SEMA3E: variants seen among roughly 807,000 people sequenced by gnomAD.
SEMA3E encodes the protein semaphorin 3E, also known as semaphorin-3E.
Under a neutral mutation model 93.6 loss-of-function variants are expected in SEMA3E, and 49 were observed. The observed-to-expected ratio is 0.52, with a 90% CI of 0.42 to 0.66. The LOEUF (loss-of-function observed/expected upper bound fraction) is 0.66. SEMA3E is among the 30% of genes least tolerant of loss of function. SEMA3E has a pLI of 0.00. For missense variants in SEMA3E, 906 were observed against 964.8 expected (o/e 0.94, Z 0.81); for synonymous variants, 363 against 330.7 (o/e 1.10, Z -1.06).
At chr7:83,464,661 T>C (rs1296877022) in intron 4 of SEMA3E, among the ~76,000 whole-genome samples, 1 of 141,044 alleles carries the variant, frequency 7.1e-6, no homozygotes, top group African/African-American at 2.5e-5. Flanking sequence ...TTATTCCATT[T>C]AGTTTTTCAA....
chr7:83,533,514 G>A (rs917291227), intron 1 of SEMA3E, among the ~76,000 whole-genome samples: 13 of 151,862 alleles, frequency 8.6e-5, no homozygotes, highest in Non-Finnish European at 1.8e-4. Context: ...ATTGCACTAC[G>A]GCCTGGGCGA....
chr7:83,534,917 T>C (rs1178855254), intron 1 of SEMA3E, among the ~76,000 whole-genome samples: 1 of 152,172 alleles, frequency 6.6e-6, no homozygotes, highest in Admixed American at 6.5e-5. Flanking sequence ...TCCAATCTAG[T>C]GATAGGATTT....
intron 16 of SEMA3E, among the ~76,000 whole-genome samples, chr7:83,375,903 T>C (rs1282162014): frequency 6.6e-6 from 1 of 152,066 alleles, no homozygotes; most frequent in African/African-American, 2.4e-5. Flanking sequence ...GTCTCCGCCA[T>C]TGTAAAAGCA....
intron 4 of SEMA3E, among the ~76,000 whole-genome samples, chr7:83,426,425 A>AT (rs2115726306): frequency 6.6e-6 from 1 of 152,334 alleles, no homozygotes; most frequent in Admixed American, 6.5e-5. Flanking sequence ...TAGCAGAAAC[A>AT]TTAATGCAGC....
intron 1 of SEMA3E, among the ~76,000 whole-genome samples, chr7:83,541,941 G>A (rs1427126789): frequency 6.6e-6 from 1 of 152,076 alleles, no homozygotes; most frequent in African/African-American, 2.4e-5. Context: ...AATAGAATCT[G>A]CAAAGAGAAG....
intron 11 of SEMA3E, among the ~76,000 whole-genome samples, chr7:83,399,152 T>C (rs1304380171): frequency 1.3e-5 from 2 of 152,128 alleles, no homozygotes; most frequent in African/African-American, 4.8e-5. Context: ...TCTCTAAAGA[T>C]CAACTACTGT....
chr7:83,487,309 G>A (rs1350160741), intron 2 of SEMA3E, among the ~76,000 whole-genome samples: 1 of 152,052 alleles, frequency 6.6e-6, no homozygotes, highest in African/African-American at 2.4e-5. Flanking sequence ...TGTTATAAAC[G>A]TGGATTCCAG....
chr7:83,381,657 G>T (rs1787781542), intron 16 of SEMA3E, among the ~76,000 whole-genome samples: 1 of 151,854 alleles, frequency 6.6e-6, no homozygotes, highest in Admixed American at 6.6e-5. Context: ...CATAGTAAGT[G>T]CTTAATAAAT....
intron 5 of SEMA3E, among the ~76,000 whole-genome samples, chr7:83,408,892 T>C (rs114194790): frequency 0.023 from 3,513 of 152,244 alleles, 132 homozygotes; most frequent in African/African-American, 0.08. Flanking sequence ...ATTATGATTG[T>C]TATTGTGATG....
chr7:83,514,050 C>T (rs1790878994), intron 1 of SEMA3E, among the ~76,000 whole-genome samples: 1 of 152,056 alleles, frequency 6.6e-6, no homozygotes, highest in Non-Finnish European at 1.5e-5. Flanking sequence ...CACCTAAATC[C>T]TACCAAAACC....
chr7:83,367,288 AAAAT>A lies in SEMA3E; in HGVS notation c.*294_*297del, dbSNP rs1794683085. 3.3e-6 allele frequency: 1 copy of A among 303,780 alleles called. No individual in the cohort carries two copies. The highest frequency in any genetic ancestry group is 2.2e-5 in the African/African-American group (1 of 45,944). 18.8% of individuals were successfully genotyped at this position (303,780 alleles called of 1,614,324 possible). The stretch of plus-strand genomic sequence containing the variant: ...TCTAATAATCTTGTCTTCCAAAAGT[AAAAT>A]AATAATTTTCACAGAAAAGCAGCCA... On this transcript the variant is annotated 3_prime_UTR_variant, in exon 17 of 17. Coordinates refer to ENST00000643230, the MANE Select transcript of SEMA3E (RefSeq NM_012431.3).
chr7:83,613,809 C>T (rs1051464014), intron 1 of SEMA3E, among the ~76,000 whole-genome samples: 30 of 152,070 alleles, frequency 2.0e-4, no homozygotes, highest in African/African-American at 4.3e-4. Context: ...CTACATATTT[C>T]GTCTTAGTTT....
At chr7:83,545,564 A>AC (rs1393600806) in intron 1 of SEMA3E, among the ~76,000 whole-genome samples, 3 of 147,790 alleles carry the variant, frequency 2.0e-5, no homozygotes, top group African/African-American at 7.6e-5. Flanking sequence ...AAAAAAAAAA[A>AC]AAAAAGAAAT....
chr7:83,455,772 G>T (rs529025497), intron 4 of SEMA3E, among the ~76,000 whole-genome samples: 2 of 152,220 alleles, frequency 1.3e-5, no homozygotes, highest in African/African-American at 2.4e-5. Flanking sequence ...TGACAGGGCC[G>T]CATGGCAAGG....
intron 1 of SEMA3E, among the ~76,000 whole-genome samples, chr7:83,596,688 C>A (rs1455994176): frequency 6.6e-6 from 1 of 152,008 alleles, no homozygotes; most frequent in Non-Finnish European, 1.5e-5. Flanking sequence ...GTTCCCCATT[C>A]TTATTCATCA....
At chr7:83,388,808 C>CTT (rs5885347) in intron 14 of SEMA3E, among the ~76,000 whole-genome samples, 108,785 of 141,116 alleles carry the variant, frequency 0.77, 45,487 homozygotes, top group East Asian at 0.98. Flanking sequence ...CTATTTCAGT[C>CTT]TTTTTTTTTT....
intron 1 of SEMA3E, among the ~76,000 whole-genome samples, chr7:83,519,666 T>A (rs1222136274): frequency 6.6e-6 from 1 of 152,126 alleles, no homozygotes; most frequent in African/African-American, 2.4e-5. Flanking sequence ...TATTATAGCA[T>A]TTATCATACT....
chr7:83,392,431 C>G (rs868341453), intron 14 of SEMA3E, 124 bp downstream of exon 14: 8 of 1,073,312 alleles, frequency 7.5e-6, no homozygotes, highest in Non-Finnish European at 1.1e-5. Flanking sequence ...ATGTTCAGTG[C>G]CAGTCTCTGT....
At position 83,377,031 on chromosome 7, in the gene SEMA3E, C is replaced by T. The variant is rs145439248; in HGVS notation, c.1875+8263G>A. ...ATATTTTATGTGTCTTGAGTTTGCCCCCAAATTCCCCTACAGGAGATTTGT... is the reference window on the plus strand; with the variant it reads ...ATATTTTATGTGTCTTGAGTTTGCCTCCAAATTCCCCTACAGGAGATTTGT... On this transcript the variant is annotated intron_variant, in intron 16 of 16. Transcript: ENST00000643230. Among the ~76,000 whole-genome samples the T allele has an allele frequency of 2.7e-3, 407 of 152,004 alleles. 2 individuals are homozygous for T. The highest frequency in any genetic ancestry group is 9.0e-3 in the African/African-American group (375 of 41,522).
Sources: allele counts gnomAD v4.1 joint callset (sites outside exome capture counted in the v4.1 genomes callset), GRCh38; gene constraint gnomAD v4.1.1; transcripts MANE v1.5; gene names NCBI Gene and HGNC (gene_info 2026-07-23, HGNC 2026-07-21).